HLCS: variants seen among roughly 807,000 people sequenced by gnomAD.
The protein encoded by HLCS is biotin--protein ligase.
A neutral mutation model predicts 75.0 loss-of-function variants in HLCS; 53 were observed. That is an observed-to-expected ratio of 0.71 (90% CI 0.57 to 0.89). The LOEUF (loss-of-function observed/expected upper bound fraction) is 0.89, where lower values mean the gene tolerates loss of function less well. Ranked by LOEUF, HLCS falls within the 40% of genes least tolerant of loss-of-function variation. HLCS has a pLI of 0.00. For synonymous variants in HLCS, 431 were observed against 428.6 expected, an observed-to-expected ratio of 1.01 and a Z score of -0.07; for missense variants, 966 against 1,074.0, an observed-to-expected ratio of 0.90 and a Z score of 1.41.
At chr21:36,965,869 C>T (rs2068542772) in intron 1 of HLCS, among the ~76,000 whole-genome samples, 1 of 152,026 alleles carries the variant, frequency 6.6e-6, no homozygotes, top group Admixed American at 6.5e-5. Flanking sequence ...TCCCGCCTCA[C>T]CCTCCAGAGT....
intron 2 of HLCS, 80 bp downstream of exon 2, chr21:36,961,956 G>GGAAAAA: frequency 1.5e-6 from 1 of 672,088 alleles, no homozygotes; most frequent in South Asian, 1.9e-5. Context: ...TCTGTCTCAG[G>GGAAAAA]AAAAAAAAAA....
chr21:36,979,154 C>A (rs1033303553), intron 1 of HLCS, among the ~76,000 whole-genome samples: 4 of 151,944 alleles, frequency 2.6e-5, no homozygotes, highest in Admixed American at 2.6e-4. Flanking sequence ...CGCCTGTAGT[C>A]CCAGCTACTG....
At position 36,898,990 on chromosome 21, in the gene HLCS, A is replaced by G. The variant is rs562269195; in HGVS notation, c.1621-1859T>C. ...GTGGAAAGATTGCTTGAGCCCAAGA[A>G]GCAGAGGCTGCAGTGAGCCAAGATG... is the stretch of plus-strand genomic sequence containing the variant. On this transcript the variant is annotated intron_variant, in intron 5 of 10. Transcript: ENST00000674895. Among the ~76,000 whole-genome samples, 10 of 151,922 alleles carry G rather than the reference A, an allele frequency of 6.6e-5. No individual in the cohort carries two copies. In the East Asian group the frequency reaches 1.9e-3, roughly 30 times the overall value.
At chr21:36,981,393 TCC>T (rs2069117413) in intron 1 of HLCS, among the ~76,000 whole-genome samples, 1 of 141,856 alleles carries the variant, frequency 7.0e-6, no homozygotes, top group East Asian at 2.1e-4. Context: ...CTCTTAACCT[TCC>T]TTTTTTTTTT....
chr21:36,765,460 A>G (rs1273095327), intron 7 of HLCS, among the ~76,000 whole-genome samples: 30 of 152,172 alleles, frequency 2.0e-4, no homozygotes, highest in Non-Finnish European at 2.9e-5. Flanking sequence ...CTATATGACT[A>G]TAGGTTTAAT....
At chr21:36,841,513 A>C (rs938271406) in intron 6 of HLCS, among the ~76,000 whole-genome samples, 1 of 152,268 alleles carries the variant, frequency 6.6e-6, no homozygotes, top group African/African-American at 2.4e-5. Context: ...TTTTGTGGAA[A>C]GCAAGAGGAT....
intron 2 of HLCS, among the ~76,000 whole-genome samples, chr21:36,944,601 G>A (rs1451318621): frequency 6.6e-6 from 1 of 151,932 alleles, no homozygotes; most frequent in Non-Finnish European, 1.5e-5. Context: ...TTTGATTTTG[G>A]TTTTGGTTTT....
At chr21:36,920,327 T>A (rs2066108555) in intron 5 of HLCS, among the ~76,000 whole-genome samples, 1 of 146,406 alleles carries the variant, frequency 6.8e-6, no homozygotes, top group African/African-American at 2.5e-5. Flanking sequence ...AACGAGACCC[T>A]GTCTCAAGAA....
chr21:36,749,935 G>C lies in HLCS; in HGVS notation c.*4311C>G, dbSNP rs1048419210. The C allele has an allele frequency of 6.6e-6, 1 of 152,310 alleles. No individual in the cohort carries two copies. The highest frequency in any genetic ancestry group is 1.9e-4 in the East Asian group (1 of 5,188). The allele number at this position is 152,310 out of a possible 1,614,324, so 9.4% of individuals were successfully genotyped here. A position where few individuals can be genotyped will look rare whatever the true frequency, so the allele number is the denominator to read the frequency against. ...TTTACAAGTGACAACGTGGACAGGC[G>C]TAACAGAGTGTGTATGTACTTGAAA... On this transcript the variant is annotated 3_prime_UTR_variant, in exon 11 of 11. Coordinates refer to ENST00000674895, the MANE Select transcript of HLCS (RefSeq NM_001352514.2).
At chr21:36,862,444 G>A (rs1008675119) in intron 6 of HLCS, among the ~76,000 whole-genome samples, 5 of 152,178 alleles carry the variant, frequency 3.3e-5, no homozygotes, top group Non-Finnish European at 2.9e-5. Flanking sequence ...ACATCCTTGC[G>A]AATACTTGTT....
At chr21:36,883,046 T>C (rs2064297599) in intron 6 of HLCS, among the ~76,000 whole-genome samples, 1 of 152,186 alleles carries the variant, frequency 6.6e-6, no homozygotes, top group Non-Finnish European at 1.5e-5. Context: ...TGACTCCTTG[T>C]GCAATGCAGA....
intron 1 of HLCS, among the ~76,000 whole-genome samples, chr21:36,985,494 A>T (rs983722257): frequency 6.8e-6 from 1 of 147,016 alleles, no homozygotes; most frequent in Non-Finnish European, 1.5e-5. Context: ...TTCGCTGGGC[A>T]CGGTGGCTCA....
chr21:36,806,329 C>T (rs2145939739), intron 6 of HLCS: 1 of 152,306 alleles, frequency 6.6e-6, no homozygotes, highest in East Asian at 1.9e-4. Flanking sequence ...ACTGCCCTGG[C>T]CCACAGTGTG....
At chr21:36,958,519 T>C (rs1569249418) in intron 2 of HLCS, among the ~76,000 whole-genome samples, 1 of 152,228 alleles carries the variant, frequency 6.6e-6, no homozygotes, top group Non-Finnish European at 1.5e-5. Context: ...CCGGGAACAG[T>C]GGCTCACGCC....
intron 6 of HLCS, among the ~76,000 whole-genome samples, chr21:36,811,879 C>A (rs1321011178): frequency 6.6e-6 from 1 of 152,154 alleles, no homozygotes; most frequent in East Asian, 1.9e-4. Context: ...CTGTGACCAG[C>A]CACTCACTTG....
chr21:36,965,788 A>G (rs1410641706), intron 1 of HLCS, among the ~76,000 whole-genome samples: 2 of 151,136 alleles, frequency 1.3e-5, no homozygotes, highest in African/African-American at 4.9e-5. Context: ...CTGGAGTGCA[A>G]TGGCTCAATC....
intron 6 of HLCS, among the ~76,000 whole-genome samples, chr21:36,833,610 T>C (rs1219372799): frequency 2.0e-5 from 3 of 147,000 alleles, no homozygotes; most frequent in African/African-American, 5.1e-5. Flanking sequence ...TATATATATA[T>C]ATATTTGATT....
intron 2 of HLCS, among the ~76,000 whole-genome samples, chr21:36,954,380 T>G (rs1233234885): frequency 6.6e-6 from 1 of 151,118 alleles, no homozygotes; most frequent in Non-Finnish European, 1.5e-5. Flanking sequence ...TTTGGGAGGC[T>G]GAGGCAGGCA....
intron 4 of HLCS, among the ~76,000 whole-genome samples, chr21:36,934,241 C>A (rs1436800642): frequency 6.6e-6 from 1 of 152,022 alleles, no homozygotes; most frequent in African/African-American, 2.4e-5. Flanking sequence ...AAAACCGGAA[C>A]TAAAAAAATG....
Sources: allele counts gnomAD v4.1 joint callset (sites outside exome capture counted in the v4.1 genomes callset), GRCh38; gene constraint gnomAD v4.1.1; transcripts MANE v1.5; gene names NCBI Gene and HGNC (gene_info 2026-07-23, HGNC 2026-07-21).